Variants in GLIS3 observed in about 807,000 individuals in gnomAD.
GLIS3 encodes the protein GLIS family zinc finger 3.
Under a neutral mutation model 78.6 loss-of-function variants are expected in GLIS3, and 53 were observed. The observed-to-expected ratio is 0.67, with a 90% CI of 0.54 to 0.85. The LOEUF is 0.85. GLIS3 is among the 40% of genes least tolerant of loss of function. The pLI is 0.00. For synonymous variants in GLIS3, 684 were observed against 509.9 expected (o/e 1.34, Z -4.60); for missense variants, 1,703 against 1,231.1 (o/e 1.38, Z -5.74).
chr9:3,847,386 C>T (rs1054443834), intron 9 of GLIS3, among the ~76,000 whole-genome samples: 1 of 152,146 alleles, frequency 6.6e-6, no homozygotes, highest in African/African-American at 2.4e-5. Context: ...TCTTTCTGTT[C>T]ATTCGTATTT....
chr9:4,111,708 T>C (rs1831224193), intron 4 of GLIS3, among the ~76,000 whole-genome samples: 1 of 152,264 alleles, frequency 6.6e-6, no homozygotes, highest in South Asian at 2.1e-4. Context: ...TTGTATCTCT[T>C]ACGTAAAATC....
chr9:3,855,964 A>T, intron 9 of GLIS3, 45 bp downstream of exon 9: 2 of 1,496,068 alleles, frequency 1.3e-6, no homozygotes, highest in Non-Finnish European at 1.8e-6. Context: ...GCAACAGCAC[A>T]ATGTCACTTT....
At chr9:4,411,120 G>A in the GLIS3 span, among the ~76,000 whole-genome samples, 2 of 152,156 alleles carry the variant, frequency 1.3e-5, no homozygotes, top group African/African-American at 4.8e-5. Flanking sequence ...AAGCCATATT[G>A]TCAAAACTGG....
At chr9:3,925,343 G>A (rs1825146086) in intron 6 of GLIS3, among the ~76,000 whole-genome samples, 1 of 152,110 alleles carries the variant, frequency 6.6e-6, no homozygotes, top group Non-Finnish European at 1.5e-5. Context: ...CAGGAGAGTG[G>A]GGCCAGGTCT....
intron 2 of GLIS3, among the ~76,000 whole-genome samples, chr9:4,157,811 G>A (rs1195893668): frequency 1.3e-5 from 2 of 152,150 alleles, no homozygotes; most frequent in African/African-American, 2.4e-5. Context: ...TCCACATCAC[G>A]TATGCATTCT....
chr9:4,382,299 G>C, the GLIS3 span, among the ~76,000 whole-genome samples: 1 of 152,158 alleles, frequency 6.6e-6, no homozygotes, highest in Admixed American at 6.5e-5. Flanking sequence ...GAAGAATCCT[G>C]AATGAAAACC....
intron 4 of GLIS3, among the ~76,000 whole-genome samples, chr9:4,062,092 C>G (rs1247896617): frequency 6.6e-6 from 1 of 152,186 alleles, no homozygotes; most frequent in East Asian, 1.9e-4. Flanking sequence ...GAATTACTTC[C>G]TTGCCAAATC....
chr9:4,385,789 GAAAGAAAGAAAGAAAGAAAGA>G, the GLIS3 span, among the ~76,000 whole-genome samples: 804 of 80,582 alleles, frequency 1.0e-2, 164 homozygotes, highest in African/African-American at 0.04. Context: ...AAGAAAGAAA[GAAAGAAAGAAAGAAAGAAAGA>G]AAAGAAAGAA....
chr9:3,936,947 A>G, intron 5 of GLIS3, 81 bp downstream of exon 5: 1 of 1,581,780 alleles, frequency 6.3e-7, no homozygotes, highest in Non-Finnish European at 8.7e-7. Flanking sequence ...TAAAGCAAAC[A>G]CTTCACCAGC....
chr9:4,012,565 A>G (rs1822104111), intron 4 of GLIS3, among the ~76,000 whole-genome samples: 1 of 152,140 alleles, frequency 6.6e-6, no homozygotes, highest in Admixed American at 6.5e-5. Context: ...TTTCTTGAGG[A>G]CACTGTGATT....
At chr9:4,220,294 G>T (rs1216296470) in intron 2 of GLIS3, among the ~76,000 whole-genome samples, 2 of 151,952 alleles carry the variant, frequency 1.3e-5, no homozygotes, top group African/African-American at 4.8e-5. Context: ...AAGAGCAGAG[G>T]GTAAAAGTTT....
intron 4 of GLIS3, among the ~76,000 whole-genome samples, chr9:4,006,637 T>G (rs1163935001): frequency 6.6e-6 from 1 of 152,184 alleles, no homozygotes; most frequent in Non-Finnish European, 1.5e-5. Flanking sequence ...GTCATCTCCA[T>G]GCACTAGATG....
intron 4 of GLIS3, among the ~76,000 whole-genome samples, chr9:4,087,228 G>C (rs1240177660): frequency 2.0e-5 from 3 of 152,142 alleles, no homozygotes; most frequent in African/African-American, 4.8e-5. Context: ...AGGTAGAACA[G>C]CTATAAAAAT....
the GLIS3 span, among the ~76,000 whole-genome samples, chr9:4,485,490 C>G: frequency 2.1e-4 from 32 of 152,280 alleles, no homozygotes; most frequent in South Asian, 6.4e-3. Context: ...CATCTGTTCC[C>G]TAAATCCTGA....
At chr9:4,479,607 C>G in the GLIS3 span, among the ~76,000 whole-genome samples, 1 of 151,692 alleles carries the variant, frequency 6.6e-6, no homozygotes, top group South Asian at 2.1e-4. Flanking sequence ...GTCAGCACCC[C>G]TGCCTCCAGT....
At chr9:3,836,658 G>A (rs866481038) in intron 9 of GLIS3, among the ~76,000 whole-genome samples, 2 of 152,190 alleles carry the variant, frequency 1.3e-5, no homozygotes, top group Admixed American at 6.5e-5. Flanking sequence ...CAAAACCAGT[G>A]AAGCCCCTAG....
rs76774833 is a variant in GLIS3 at position 4,298,810 on chromosome 9, G to A, written c.-99+611C>T. 3.3e-3 allele frequency among the ~76,000 whole-genome samples: 508 copies of A among 152,250 alleles called. 3 individuals are homozygous for A. The highest frequency in any genetic ancestry group is 0.012 in the African/African-American group (487 of 41,552). On this transcript the variant is annotated intron_variant, in intron 1 of 10. Transcript: ENST00000381971. The stretch of plus-strand genomic sequence containing the variant: ...CGGATCGCCGGGCCGGTACCCGCGA[G>A]GAGTGTAGGTACCCTCAGCCCGACC...
At chr9:3,853,208 A>T (rs1027637809) in intron 9 of GLIS3, among the ~76,000 whole-genome samples, 4 of 152,180 alleles carry the variant, frequency 2.6e-5, no homozygotes, top group African/African-American at 4.8e-5. Context: ...CTGTCTCTAA[A>T]AAGTAAATTG....
In GLIS3 at chr9:4,278,886, T is replaced by A. The variant is rs1207003468; in HGVS notation, c.388+7152A>T. Among the ~76,000 whole-genome samples the A allele has an allele frequency of 2.6e-5, 4 of 152,260 alleles. 1 individual carries two copies. Among genetic ancestry groups the A allele is most frequent in the African/African-American group, 9.6e-5 (4 of 41,474 alleles). ...TTCAGTGCTTCTGGGTATAATGCAA[T>A]GTGTGGTACACAAATCACCTTCATA... On this transcript the variant is annotated intron_variant, in intron 2 of 10. Transcript: ENST00000381971.
Sources: gnomAD v4.1 joint callset for allele counts (sites outside exome capture counted in the v4.1 genomes callset) on GRCh38, gnomAD v4.1.1 for gene constraint, MANE v1.5 for transcripts, NCBI Gene and HGNC (gene_info 2026-07-23, HGNC 2026-07-21) for gene names.